The following SOS2 variants were observed in gnomAD, a reference collection of about 807,000 sequenced individuals.
SOS2 encodes the protein son of sevenless homolog 2.
A neutral mutation model predicts 148.2 loss-of-function variants in SOS2; 65 were observed. That is an observed-to-expected ratio of 0.44 (90% CI 0.36 to 0.54). The LOEUF (loss-of-function observed/expected upper bound fraction) is 0.54, where lower values mean the gene tolerates loss of function less well. SOS2 is among the 20% of genes least tolerant of loss of function. The pLI is 0.00. For synonymous variants in SOS2, 539 were observed against 537.1 expected (o/e 1.00, Z -0.05); for missense variants, 1,341 against 1,590.2 (o/e 0.84, Z 2.67).
chr14:50,199,494 CA>C (rs1319899092), intron 4 of SOS2, among the ~76,000 whole-genome samples, 196 bp downstream of exon 4: 5 of 151,610 alleles, frequency 3.3e-5, no homozygotes, highest in African/African-American at 1.2e-4. Flanking sequence ...GATTCTTGAC[CA>C]AAAAAAGAGA....
rs572554813 is a variant in SOS2 at position 50,224,389 on chromosome 14, G to A, written c.87+6808C>T. 3.2e-3 allele frequency among the ~76,000 whole-genome samples: 474 copies of A among 149,240 alleles called. 3 individuals are homozygous for A. The highest frequency in any genetic ancestry group is 0.011 in the African/African-American group (451 of 40,244). ...CATATATATAAATGGGCTCTGGGGA[G>A]GTCAGAAGGATGTGGTCACAGAAAG... On this transcript the variant is annotated intron_variant, in intron 1 of 22. Transcript: ENST00000216373.
At chr14:50,146,001 C>T (rs1272586885) in intron 14 of SOS2, among the ~76,000 whole-genome samples, 1 of 151,894 alleles carries the variant, frequency 6.6e-6, no homozygotes, top group Admixed American at 6.6e-5. Flanking sequence ...GGCATGGTGG[C>T]ACCTGCCTGT....
At position 50,150,041 on chromosome 14, in the gene SOS2, C is replaced by T. The variant is rs775192786; in HGVS notation, c.2351G>A (p.Arg784His). The T allele has an allele frequency of 2.7e-5, 44 of 1,613,024 alleles. No homozygotes were observed. In the East Asian group the frequency reaches 2.9e-4, roughly 11 times the overall value. Residue 784 changes from arginine (R) to histidine (H), a missense_variant, in exon 14 of 23, where the codon CGT (arginine) becomes CAT (histidine). Physicochemically the swap from Arg to His is conservative, Grantham distance 29. Coordinates refer to ENST00000216373, the MANE Select transcript of SOS2 (RefSeq NM_006939.4). ...ATCAGACTCCAAAAGTGTCAGCTGACGTGCAATTTCTATTGGATGAAGTGT... is the reference window on the plus strand; with the variant it reads ...ATCAGACTCCAAAAGTGTCAGCTGATGTGCAATTTCTATTGGATGAAGTGT... ...LMTLHPIEIA[R>H]QLTLLESDLY...
intron 1 of SOS2, among the ~76,000 whole-genome samples, chr14:50,216,660 G>A (rs973309697): frequency 6.6e-6 from 1 of 151,974 alleles, no homozygotes; most frequent in Non-Finnish European, 1.5e-5. Flanking sequence ...GCTGGAACCC[G>A]GGAGGCAGAG....
intron 8 of SOS2, among the ~76,000 whole-genome samples, chr14:50,165,420 C>G (rs1330938727): frequency 4.6e-5 from 7 of 152,256 alleles, no homozygotes; most frequent in South Asian, 2.1e-4. Context: ...CCCGCGCACA[C>G]ACTGTTCTCT....
chr14:50,217,158 T>C (rs964748407), intron 1 of SOS2, among the ~76,000 whole-genome samples: 3 of 152,078 alleles, frequency 2.0e-5, no homozygotes, highest in African/African-American at 7.2e-5. Context: ...ACCACACATA[T>C]ATGGGCAACT....
At chr14:50,197,709 G>C (rs753674104) in intron 4 of SOS2, among the ~76,000 whole-genome samples, 34 of 62,174 alleles carry the variant, frequency 5.5e-4, no homozygotes, top group Non-Finnish European at 1.0e-3. Context: ...TTTTTTTTTT[G>C]AAACAGTCTT....
intron 3 of SOS2, 35 bp downstream of exon 3, chr14:50,200,918 G>C (rs776974537): frequency 6.3e-7 from 1 of 1,598,548 alleles, no homozygotes; most frequent in Non-Finnish European, 8.6e-7. Context: ...TTGTTATAAA[G>C]AACACCCCCC....
intron 11 of SOS2, among the ~76,000 whole-genome samples, chr14:50,157,341 C>T (rs1884853323): frequency 1.3e-5 from 2 of 151,950 alleles, no homozygotes; most frequent in South Asian, 4.2e-4. Context: ...TCTTTTAGCA[C>T]TGATAATACA....
intron 12 of SOS2, among the ~76,000 whole-genome samples, chr14:50,154,610 G>A (rs1884757573): frequency 6.6e-6 from 1 of 152,064 alleles, no homozygotes; most frequent in Admixed American, 6.6e-5. Context: ...GAATAAACTG[G>A]TATATTCATA....
chr14:50,231,745 G>A (rs1403915615), upstream of SOS2, among the ~76,000 whole-genome samples: 1 of 151,922 alleles, frequency 6.6e-6, no homozygotes, highest in African/African-American at 2.4e-5. Flanking sequence ...AGCCGACAGC[G>A]CCGCCCGGCC....
chr14:50,144,924 C>A (rs1179139147), intron 16 of SOS2, among the ~76,000 whole-genome samples: 1 of 151,924 alleles, frequency 6.6e-6, no homozygotes, highest in Non-Finnish European at 1.5e-5. Context: ...CACGGCAGTG[C>A]AAGTCTCATA....
chr14:50,223,133 C>A (rs1012419916), intron 1 of SOS2, among the ~76,000 whole-genome samples: 2 of 151,994 alleles, frequency 1.3e-5, no homozygotes, highest in African/African-American at 4.8e-5. Context: ...TTTGAGCAAC[C>A]GGAAGGATGG....
At chr14:50,119,446 T>C (rs1883422635) in intron 22 of SOS2, among the ~76,000 whole-genome samples, 1 of 152,246 alleles carries the variant, frequency 6.6e-6, no homozygotes, top group African/African-American at 2.4e-5. Flanking sequence ...AGTTGAAAGT[T>C]TGAAGAATAC....
intron 1 of SOS2, among the ~76,000 whole-genome samples, chr14:50,207,979 T>C (rs140646670): frequency 4.9e-4 from 73 of 149,562 alleles, no homozygotes; most frequent in African/African-American, 1.8e-3. Context: ...ATTTGAAAAA[T>C]ATTCAACATT....
intron 1 of SOS2, among the ~76,000 whole-genome samples, chr14:50,208,810 G>A (rs1886763268): frequency 6.6e-6 from 1 of 152,150 alleles, no homozygotes; most frequent in Non-Finnish European, 1.5e-5. Context: ...AGTAAACCAA[G>A]AAAAAGAAAA....
chr14:50,184,321 G>C (rs1336309305), intron 5 of SOS2, among the ~76,000 whole-genome samples: 6 of 152,136 alleles, frequency 3.9e-5, no homozygotes. Context: ...ACAGACCTGA[G>C]CTTGGATCCT....
At chr14:50,215,173 G>A (rs1346598877) in intron 1 of SOS2, among the ~76,000 whole-genome samples, 1 of 151,984 alleles carries the variant, frequency 6.6e-6, no homozygotes, top group African/African-American at 2.4e-5. Flanking sequence ...AAAAAGCCAA[G>A]GGCCCCACTC....
intron 8 of SOS2, among the ~76,000 whole-genome samples, chr14:50,168,642 T>C (rs905999744): frequency 1.3e-5 from 2 of 152,240 alleles, no homozygotes; most frequent in Non-Finnish European, 2.9e-5. Context: ...ATCAGATATA[T>C]AATTTACAAA....
Sources: gnomAD v4.1 joint callset for allele counts (sites outside exome capture counted in the v4.1 genomes callset) on GRCh38, gnomAD v4.1.1 for gene constraint, MANE v1.5 for transcripts, NCBI Gene and HGNC (gene_info 2026-07-23, HGNC 2026-07-21) for gene names.